CDH12: variants seen among roughly 807,000 people sequenced by gnomAD.
CDH12 encodes the protein cadherin-12.
In CDH12, 41 loss-of-function variants were observed where a neutral mutation model predicts 74.1. That is an observed-to-expected ratio of 0.55 (90% CI 0.43 to 0.72). CDH12 has a LOEUF of 0.72. Among genes scored for constraint, CDH12 ranks in the 30% least tolerant of loss-of-function variants. The pLI is 0.00. For synonymous variants in CDH12, 399 were observed against 355.0 expected (o/e 1.12, Z -1.39); for missense variants, 945 against 977.2 (o/e 0.97, Z 0.44).
rs1744243308 is a variant in CDH12 at position 22,727,944 on chromosome 5, TGTTGA to T, written c.-523+125109_-523+125113del. ...CCTTGAATTTATTTCACTGAAAAGT[TGTTGA>T]GTTTTTTCAATTTAGAAATTGTTGT... is the stretch of plus-strand genomic sequence containing the variant. On this transcript the variant is annotated intron_variant, in intron 1 of 14. Transcript: ENST00000382254. Among the ~76,000 whole-genome samples, 3 of 151,828 alleles carry T rather than the reference TGTTGA, an allele frequency of 2.0e-5. No homozygotes were observed. The South Asian group carries it at 6.2e-4, about 31-fold the overall frequency.
At chr5:22,311,708 A>C (rs981190245) in intron 3 of CDH12, among the ~76,000 whole-genome samples, 4 of 151,256 alleles carry the variant, frequency 2.6e-5, no homozygotes, top group African/African-American at 9.7e-5. Flanking sequence ...ATCTCAAAAA[A>C]AAAAAAAAAA....
chr5:22,469,723 T>C (rs1424474), intron 2 of CDH12, among the ~76,000 whole-genome samples: 1 of 151,848 alleles, frequency 6.6e-6, no homozygotes, highest in East Asian at 1.9e-4. Flanking sequence ...TATATTCTCC[T>C]GTCATATTTT....
intron 6 of CDH12, among the ~76,000 whole-genome samples, chr5:21,967,369 A>G (rs1032392779): frequency 5.3e-5 from 8 of 152,164 alleles, no homozygotes; most frequent in African/African-American, 1.9e-4. Context: ...TTAAAGAAAA[A>G]TGATGTTCAT....
At chr5:22,815,867 G>A (rs1749371803) in intron 1 of CDH12, among the ~76,000 whole-genome samples, 2 of 151,598 alleles carry the variant, frequency 1.3e-5, no homozygotes, top group South Asian at 2.1e-4. Context: ...CATGTAAACT[G>A]CTACTTGAAA....
Position 22,758,959 on chromosome 5 carries a change from C to T in CDH12, c.-523+94099G>A, listed in dbSNP as rs116674338. Among the ~76,000 whole-genome samples, 1,343 of 152,122 alleles carry T rather than the reference C, an allele frequency of 8.8e-3. 19 individuals are homozygous for T. Among genetic ancestry groups the T allele is most frequent in the African/African-American group, 0.031 (1,276 of 41,480 alleles). On this transcript the variant is annotated intron_variant, in intron 1 of 14. Coordinates refer to ENST00000382254, the MANE Select transcript of CDH12 (RefSeq NM_004061.5). ...CAGGTATTCTCTGAGGAGTCTTATC[C>T]CTATGACTTGCTCAAAGCAGATATT...
At chr5:21,923,140 C>A (rs1754434648) in intron 6 of CDH12, among the ~76,000 whole-genome samples, 1 of 151,972 alleles carries the variant, frequency 6.6e-6, no homozygotes. Flanking sequence ...AACTTCCTAT[C>A]TATACTATAA....
At chr5:21,898,297 C>T (rs565269006) in intron 6 of CDH12, among the ~76,000 whole-genome samples, 1 of 152,214 alleles carries the variant, frequency 6.6e-6, no homozygotes, top group East Asian at 1.9e-4. Flanking sequence ...TCTCATATGT[C>T]ATAGCATCCT....
intron 4 of CDH12, among the ~76,000 whole-genome samples, chr5:22,099,595 A>G (rs1371562414): frequency 1.3e-5 from 2 of 152,106 alleles, no homozygotes; most frequent in East Asian, 1.9e-4. Flanking sequence ...TCTTCTGTCT[A>G]GTCATACTCC....
At chr5:21,891,572 T>TACACACACACACACACACACAC (rs66657734) in intron 6 of CDH12, among the ~76,000 whole-genome samples, 34 of 145,048 alleles carry the variant, frequency 2.3e-4, no homozygotes, top group South Asian at 1.1e-3. Flanking sequence ...CACACACACA[T>TACACACACACACACACACACAC]ACACACACAC....
At chr5:22,824,956 C>T (rs1055658074) in intron 1 of CDH12, among the ~76,000 whole-genome samples, 7 of 151,578 alleles carry the variant, frequency 4.6e-5, no homozygotes, top group Non-Finnish European at 8.8e-5. Context: ...AAAGAAAATA[C>T]TAACAAAATA....
intron 1 of CDH12, among the ~76,000 whole-genome samples, chr5:22,752,561 T>C (rs1561005354): frequency 3.9e-4 from 9 of 23,356 alleles, no homozygotes; most frequent in East Asian, 1.5e-3. Flanking sequence ...TTTTTTTTTT[T>C]TTTTTTTTTT....
intron 2 of CDH12, among the ~76,000 whole-genome samples, chr5:22,461,624 T>A (rs1009412018): frequency 1.3e-5 from 2 of 151,912 alleles, no homozygotes; most frequent in Non-Finnish European, 2.9e-5. Flanking sequence ...GTAAAAAAAA[T>A]TTATAAATTC....
At chr5:22,392,672 T>C (rs541347239) in intron 3 of CDH12, among the ~76,000 whole-genome samples, 23 of 152,292 alleles carry the variant, frequency 1.5e-4, no homozygotes, top group Admixed American at 4.6e-4. Context: ...AAGAAAGACA[T>C]GTGAAAATTG....
chr5:22,676,343 CA>C (rs1358065970), intron 1 of CDH12, among the ~76,000 whole-genome samples: 4 of 152,160 alleles, frequency 2.6e-5, no homozygotes, highest in Admixed American at 6.5e-5. Flanking sequence ...GCTTATGGCA[CA>C]AAGTAGCTTT....
chr5:21,804,404 G>A lies in CDH12; in HGVS notation c.1003-1984C>T, dbSNP rs114970985. ...CTCAAGAAAAGACAACTTATTGCAA[G>A]ACTAGAATGATAAAATATTACCAAA... On this transcript the variant is annotated intron_variant, in intron 9 of 14. Coordinates refer to ENST00000382254, the MANE Select transcript of CDH12 (RefSeq NM_004061.5). 4.6e-5 allele frequency among the ~76,000 whole-genome samples: 7 copies of A among 151,932 alleles called. No individual in the cohort carries two copies. In the South Asian group the frequency reaches 1.0e-3, roughly 22 times the overall value.
intron 6 of CDH12, among the ~76,000 whole-genome samples, chr5:21,874,637 C>T (rs923043402): frequency 6.6e-6 from 1 of 152,142 alleles, no homozygotes; most frequent in Non-Finnish European, 1.5e-5. Flanking sequence ...CTTGCAACTG[C>T]ACATTCTTCT....
At chr5:22,292,623 A>AACACACACACAC (rs35149500) in intron 3 of CDH12, among the ~76,000 whole-genome samples, 2 of 149,644 alleles carry the variant, frequency 1.3e-5, no homozygotes, top group African/African-American at 4.9e-5. Flanking sequence ...ATGCTTCTCA[A>AACACACACACAC]ACACACACAC....
chr5:22,244,707 GAGAA>G (rs1261234713), intron 3 of CDH12, among the ~76,000 whole-genome samples: 11 of 139,984 alleles, frequency 7.9e-5, no homozygotes, highest in African/African-American at 1.6e-4. Flanking sequence ...GAAAAAGAAA[GAGAA>G]AGAGAGAGAG....
At chr5:22,763,306 T>C (rs1291990157) in intron 1 of CDH12, among the ~76,000 whole-genome samples, 1 of 151,996 alleles carries the variant, frequency 6.6e-6, no homozygotes, top group African/African-American at 2.4e-5. Context: ...CAGTTTTCCT[T>C]GTTCAGATAA....
Sources: allele counts gnomAD v4.1 joint callset (sites outside exome capture counted in the v4.1 genomes callset), GRCh38; gene constraint gnomAD v4.1.1; transcripts MANE v1.5; gene names NCBI Gene and HGNC (gene_info 2026-07-23, HGNC 2026-07-21).